The following EBF2 variants were observed in gnomAD, a reference collection of about 807,000 sequenced individuals.
EBF2 encodes EBF transcription factor 2.
EBF2 carries 21 observed loss-of-function variants against 72.8 expected under a neutral mutation model. The ratio of observed to expected loss-of-function variants is 0.29; its 90% CI spans 0.20 to 0.42. The LOEUF is 0.42. EBF2 is among the 10% of genes least tolerant of loss of function. The pLI, the probability that EBF2 is intolerant of heterozygous loss-of-function variation, is 1.00. For missense variants in EBF2, 637 were observed against 731.2 expected (o/e 0.87, Z 1.49); for synonymous variants, 299 against 274.2 (o/e 1.09, Z -0.89).
At position 25,844,145 on chromosome 8, in the gene EBF2, G is replaced by A. The variant is rs3829011; in HGVS notation, c.*464C>T. The A allele has an allele frequency of 0.3, 45,747 of 153,720 alleles. 6,963 individuals carry two copies. Among genetic ancestry groups the A allele is most frequent in the South Asian group, 0.4 (1,982 of 4,912 alleles). The allele number at this position is 153,720 out of a possible 1,614,324, so 9.5% of individuals were successfully genotyped here. A position where few individuals can be genotyped will look rare whatever the true frequency, so the allele number is the denominator to read the frequency against. ...AGGTTGCGTTTTAAGAAAGTCTTCC[G>A]TGCTGGTACCCTGTTTTGTTCAATT... is the stretch of plus-strand genomic sequence containing the variant. On this transcript the variant is annotated 3_prime_UTR_variant, in exon 16 of 16. Coordinates refer to ENST00000520164, the MANE Select transcript of EBF2 (RefSeq NM_022659.4).
At chr8:25,898,620 A>G (rs1394342914) in intron 7 of EBF2, among the ~76,000 whole-genome samples, 1 of 152,180 alleles carries the variant, frequency 6.6e-6, no homozygotes, top group African/African-American at 2.4e-5. Flanking sequence ...ATTTGTGCCA[A>G]GTGGGATGGT....
intron 15 of EBF2, among the ~76,000 whole-genome samples, chr8:25,846,994 C>G (rs1801854257): frequency 1.3e-5 from 2 of 152,162 alleles, no homozygotes; most frequent in South Asian, 2.1e-4. Flanking sequence ...GAATTTCACT[C>G]TCATTGTCCC....
At chr8:25,941,549 T>C (rs775297278) in intron 6 of EBF2, among the ~76,000 whole-genome samples, 2 of 152,172 alleles carry the variant, frequency 1.3e-5, no homozygotes, top group Non-Finnish European at 2.9e-5. Context: ...CTGACTCTTT[T>C]TGGGGAATGG....
intron 6 of EBF2, among the ~76,000 whole-genome samples, chr8:25,954,571 T>C (rs2117172324): frequency 6.6e-6 from 1 of 152,310 alleles, no homozygotes; most frequent in East Asian, 1.9e-4. Flanking sequence ...GGGCCTTCAG[T>C]GAAGGGAATC....
intron 7 of EBF2, among the ~76,000 whole-genome samples, chr8:25,904,436 G>A (rs1219192258): frequency 6.6e-6 from 1 of 151,570 alleles, no homozygotes; most frequent in Admixed American, 6.6e-5. Context: ...CAGTGTTTGG[G>A]GGTAAGGGAA....
chr8:25,898,543 A>G (rs956769049), intron 7 of EBF2, among the ~76,000 whole-genome samples: 1 of 152,090 alleles, frequency 6.6e-6, no homozygotes, highest in African/African-American at 2.4e-5. Context: ...CTTAAAGGCC[A>G]CAGATACTTG....
intron 7 of EBF2, among the ~76,000 whole-genome samples, chr8:25,893,637 T>G (rs1299809612): frequency 6.6e-6 from 1 of 152,142 alleles, no homozygotes; most frequent in Non-Finnish European, 1.5e-5. Context: ...GGGCCCTGTC[T>G]GAGGATTACG....
chr8:25,885,390 A>G (rs1802672609), intron 10 of EBF2, among the ~76,000 whole-genome samples: 1 of 152,170 alleles, frequency 6.6e-6, no homozygotes, highest in Non-Finnish European at 1.5e-5. Flanking sequence ...GACCCATTAA[A>G]TGAATCCCCA....
intron 7 of EBF2, among the ~76,000 whole-genome samples, chr8:25,902,894 A>G (rs921757670): frequency 6.6e-6 from 1 of 152,212 alleles, no homozygotes; most frequent in African/African-American, 2.4e-5. Flanking sequence ...GATGGAACAG[A>G]AATCAGAGAT....
intron 6 of EBF2, among the ~76,000 whole-genome samples, chr8:25,927,850 ATCT>A (rs1286684049): frequency 6.6e-5 from 10 of 152,190 alleles, no homozygotes; most frequent in Non-Finnish European, 1.3e-4. Flanking sequence ...TTTTTTAAAA[ATCT>A]TCTCTGAGAA....
At chr8:25,852,576 C>T (rs995204684) in intron 14 of EBF2, among the ~76,000 whole-genome samples, 1 of 152,092 alleles carries the variant, frequency 6.6e-6, no homozygotes, top group Non-Finnish European at 1.5e-5. Flanking sequence ...TTTCTAATAA[C>T]AGATTTCAAC....
intron 15 of EBF2, among the ~76,000 whole-genome samples, chr8:25,846,154 G>A (rs754355114): frequency 3.3e-5 from 5 of 152,070 alleles, no homozygotes; most frequent in Non-Finnish European, 5.9e-5. Context: ...CAATAAAGGC[G>A]GTTCAATTCT....
chr8:25,967,762 GT>G (rs1804136849), intron 6 of EBF2, among the ~76,000 whole-genome samples: 1 of 152,198 alleles, frequency 6.6e-6, no homozygotes, highest in Non-Finnish European at 1.5e-5. Flanking sequence ...CAGCTCTGGA[GT>G]TGTGATGCCT....
chr8:25,961,604 AC>A (rs1472548719), intron 6 of EBF2, among the ~76,000 whole-genome samples: 2 of 151,974 alleles, frequency 1.3e-5, no homozygotes, highest in African/African-American at 4.8e-5. Context: ...CTTATGATCC[AC>A]CCACCTCGGC....
At chr8:25,941,739 C>T (rs1005392164) in intron 6 of EBF2, among the ~76,000 whole-genome samples, 3 of 152,092 alleles carry the variant, frequency 2.0e-5, no homozygotes, top group African/African-American at 7.2e-5. Context: ...TCAGAGAGCC[C>T]GACCCACACC....
At chr8:25,846,237 TA>T (rs1486111362) in intron 15 of EBF2, among the ~76,000 whole-genome samples, 1 of 137,334 alleles carries the variant, frequency 7.3e-6, no homozygotes, top group Non-Finnish European at 1.6e-5. Context: ...TTTTTTATTT[TA>T]TTTTTTTTTT....
At chr8:25,897,983 C>CAAAAA (rs1313232886) in intron 7 of EBF2, among the ~76,000 whole-genome samples, 22 of 152,244 alleles carry the variant, frequency 1.4e-4, no homozygotes, top group African/African-American at 4.8e-4. Context: ...TTCCATCAGT[C>CAAAAA]ACTGGGTATT....
At chr8:25,863,724 A>G (rs1005404253) in intron 10 of EBF2, among the ~76,000 whole-genome samples, 2 of 152,148 alleles carry the variant, frequency 1.3e-5, no homozygotes, top group Admixed American at 6.5e-5. Context: ...TTATTCTATC[A>G]TAACAATGCC....
At chr8:25,875,553 C>G (rs1364071280) in intron 10 of EBF2, among the ~76,000 whole-genome samples, 1 of 152,184 alleles carries the variant, frequency 6.6e-6, no homozygotes, top group African/African-American at 2.4e-5. Context: ...TCTATGATTT[C>G]TAAAGAATTC....
Sources: gnomAD v4.1 joint callset for allele counts (sites outside exome capture counted in the v4.1 genomes callset) on GRCh38, gnomAD v4.1.1 for gene constraint, MANE v1.5 for transcripts, NCBI Gene and HGNC (gene_info 2026-07-23, HGNC 2026-07-21) for gene names.